CDH18: variants seen among roughly 807,000 people sequenced by gnomAD.
CDH18 encodes cadherin 18, also known as cadherin-18.
CDH18 carries 31 observed loss-of-function variants against 67.9 expected under a neutral mutation model. The ratio of observed to expected loss-of-function variants is 0.46; its 90% CI spans 0.34 to 0.62. The LOEUF (loss-of-function observed/expected upper bound fraction) is 0.62, where lower values mean the gene tolerates loss of function less well. Among genes scored for constraint, CDH18 ranks in the 20% least tolerant of loss-of-function variants. The probability of loss-of-function intolerance (pLI) is 0.01; values close to 1 mark genes in which losing one functional copy is unlikely to be tolerated. For missense variants in CDH18, 890 were observed against 975.5 expected (o/e 0.91, Z 1.17); for synonymous variants, 362 against 347.2 (o/e 1.04, Z -0.48).
intron 1 of CDH18, among the ~76,000 whole-genome samples, chr5:20,401,483 GTC>G (rs1001298667): frequency 4.6e-5 from 7 of 152,048 alleles, no homozygotes; most frequent in Non-Finnish European, 8.8e-5. Context: ...TGTTAAATAG[GTC>G]TCTGTGTCTT....
At chr5:20,011,724 A>T (rs1489861380) in intron 2 of CDH18, among the ~76,000 whole-genome samples, 1 of 151,812 alleles carries the variant, frequency 6.6e-6, no homozygotes, top group African/African-American at 2.4e-5. Context: ...ATGTGGTTTC[A>T]GTTCTGTTTA....
chr5:20,523,374 G>A (rs1290388749), intron 1 of CDH18, among the ~76,000 whole-genome samples: 2 of 152,110 alleles, frequency 1.3e-5, no homozygotes, highest in African/African-American at 2.4e-5. Flanking sequence ...CATGTTACAT[G>A]CTGACTCTCT....
At position 19,881,452 on chromosome 5, in the gene CDH18, C is replaced by T. The variant is rs542819973; in HGVS notation, c.-256-42210G>A. On this transcript the variant is annotated intron_variant, in intron 2 of 12. Coordinates refer to ENST00000382275, the MANE Select transcript of CDH18 (RefSeq NM_004934.5). ...TTTTGTATCTGGTCAAACAGATTTA[C>T]TCTAGTCTAATGTTCATTATTCAAA... Among the ~76,000 whole-genome samples, 11 of 150,272 alleles carry T rather than the reference C, an allele frequency of 7.3e-5. No homozygotes were observed. The South Asian group carries it at 2.3e-3, about 32-fold the overall frequency.
At chr5:19,904,134 C>CT (rs1346013862) in intron 2 of CDH18, among the ~76,000 whole-genome samples, 2 of 151,412 alleles carry the variant, frequency 1.3e-5, no homozygotes, top group African/African-American at 4.9e-5. Context: ...ATTAGCCAGG[C>CT]TTGGTGGCGG....
At chr5:20,496,447 A>G (rs887662389) in intron 1 of CDH18, among the ~76,000 whole-genome samples, 2 of 152,194 alleles carry the variant, frequency 1.3e-5, no homozygotes, top group Non-Finnish European at 2.9e-5. Flanking sequence ...AAGGAAAATT[A>G]ATAACACTGT....
intron 2 of CDH18, among the ~76,000 whole-genome samples, chr5:19,874,880 T>C (rs994271101): frequency 3.3e-5 from 5 of 152,148 alleles, no homozygotes; most frequent in Non-Finnish European, 7.4e-5. Flanking sequence ...ATGCTCAGGA[T>C]GGAGCAGAGG....
chr5:20,476,207 T>C (rs1320875640), intron 1 of CDH18, among the ~76,000 whole-genome samples: 2 of 152,122 alleles, frequency 1.3e-5, no homozygotes, highest in Admixed American at 6.6e-5. Flanking sequence ...TTGGTTGAGG[T>C]TTCAGCATAG....
intron 1 of CDH18, among the ~76,000 whole-genome samples, chr5:20,365,257 T>C (rs1742414283): frequency 6.6e-6 from 1 of 152,080 alleles, no homozygotes; most frequent in Non-Finnish European, 1.5e-5. Flanking sequence ...CTCTCTGGTG[T>C]CTCTATTTTC....
chr5:19,576,269 T>A (rs578193846), intron 7 of CDH18, among the ~76,000 whole-genome samples: 1 of 152,118 alleles, frequency 6.6e-6, no homozygotes, highest in Non-Finnish European at 1.5e-5. Flanking sequence ...CTAAAGAGCT[T>A]CTTCATAGCA....
intron 1 of CDH18, among the ~76,000 whole-genome samples, chr5:20,519,049 C>A (rs915573861): frequency 1.3e-5 from 2 of 152,002 alleles, no homozygotes; most frequent in African/African-American, 4.8e-5. Context: ...ATACCCCCAG[C>A]CTGGATGATG....
At chr5:19,969,287 G>A (rs1159495185) in intron 2 of CDH18, among the ~76,000 whole-genome samples, 1 of 140,846 alleles carries the variant, frequency 7.1e-6, no homozygotes, top group Non-Finnish European at 1.5e-5. Context: ...TCAGTGTGGC[G>A]ATTCCTCAGG....
intron 2 of CDH18, among the ~76,000 whole-genome samples, chr5:19,926,549 T>G (rs1793108012): frequency 6.6e-6 from 1 of 152,130 alleles, no homozygotes; most frequent in African/African-American, 2.4e-5. Context: ...AAGGCTAACA[T>G]TTTGATTTGT....
intron 12 of CDH18, among the ~76,000 whole-genome samples, chr5:19,483,016 C>T (rs1229684377): frequency 5.3e-5 from 8 of 152,060 alleles, no homozygotes; most frequent in African/African-American, 1.7e-4. Flanking sequence ...AAAGCTCTTT[C>T]ACGGTGGGAT....
chr5:20,179,040 A>G (rs571374360), intron 2 of CDH18, among the ~76,000 whole-genome samples: 1 of 152,274 alleles, frequency 6.6e-6, no homozygotes, highest in South Asian at 2.1e-4. Context: ...TAAATAAACT[A>G]GTAGCAATAT....
intron 7 of CDH18, among the ~76,000 whole-genome samples, chr5:19,587,991 T>C (rs928794646): frequency 1.3e-5 from 2 of 152,134 alleles, no homozygotes; most frequent in East Asian, 1.9e-4. Flanking sequence ...TCTTCTTGAA[T>C]AGGTCCTTTG....
chr5:20,433,733 A>C (rs1329794959), intron 1 of CDH18, among the ~76,000 whole-genome samples: 1 of 151,816 alleles, frequency 6.6e-6, no homozygotes, highest in African/African-American at 2.4e-5. Context: ...ACTGATCTTC[A>C]AAAAAAATTG....
chr5:20,417,976 G>A (rs1462970184), intron 1 of CDH18, among the ~76,000 whole-genome samples: 5 of 152,172 alleles, frequency 3.3e-5, no homozygotes, highest in Non-Finnish European at 5.9e-5. Flanking sequence ...ATCCTATGAG[G>A]AGGATTATAG....
chr5:20,374,784 T>A (rs1743278386), intron 1 of CDH18, among the ~76,000 whole-genome samples: 1 of 152,106 alleles, frequency 6.6e-6, no homozygotes, highest in Non-Finnish European at 1.5e-5. Context: ...ACAATGAAAA[T>A]TAATATAAAA....
chr5:19,949,312 T>C (rs1795569169), intron 2 of CDH18, among the ~76,000 whole-genome samples: 2 of 152,110 alleles, frequency 1.3e-5, no homozygotes, highest in African/African-American at 2.4e-5. Context: ...CAGAAACCCA[T>C]CTAGGTATAA....
Sources: gnomAD v4.1 joint callset for allele counts (sites outside exome capture counted in the v4.1 genomes callset) on GRCh38, gnomAD v4.1.1 for gene constraint, MANE v1.5 for transcripts, NCBI Gene and HGNC (gene_info 2026-07-23, HGNC 2026-07-21) for gene names.